The following PARPBP variants were observed in gnomAD, a reference collection of about 807,000 sequenced individuals.
The protein encoded by PARPBP is PCNA-interacting partner.
PARPBP carries 52 observed loss-of-function variants against 50.0 expected under a neutral mutation model. That is an observed-to-expected ratio of 1.04 (90% CI 0.83 to 1.31). The LOEUF is 1.31. PARPBP is among the 50% of genes most tolerant of loss of function. The pLI, the probability that PARPBP is intolerant of heterozygous loss-of-function variation, is 0.00. For missense variants in PARPBP, 697 were observed against 672.0 expected, an observed-to-expected ratio of 1.04 and a Z score of -0.41; for synonymous variants, 244 against 232.1, an observed-to-expected ratio of 1.05 and a Z score of -0.47.
In PARPBP at chr12:102,139,055, T is replaced by G. The variant is rs565627077; in HGVS notation, c.154-9175T>G. ...CATTGGTAGCTTCATGGGGATGGCA[T>G]TAAATCTATAAATTACCTTGGACAG... On this transcript the variant is annotated intron_variant, in intron 2 of 10. Coordinates refer to ENST00000327680, the MANE Select transcript of PARPBP (RefSeq NM_017915.5). Among the ~76,000 whole-genome samples, 202 of 152,356 alleles carry G rather than the reference T, an allele frequency of 1.3e-3. 1 individual carries two copies. The highest frequency in any genetic ancestry group is 3.4e-3 in the Middle Eastern group (1 of 294).
At chr12:102,163,223 ATAC>A (rs1444833390) in intron 4 of PARPBP, among the ~76,000 whole-genome samples, 1 of 152,204 alleles carries the variant, frequency 6.6e-6, no homozygotes, top group Non-Finnish European at 1.5e-5. Flanking sequence ...TCTTTTGTAA[ATAC>A]TACTCTATCT....
Position 102,165,821 on chromosome 12 carries a change from G to A in PARPBP, c.759G>A (p.Leu253=). 2 of 1,587,558 alleles carry A rather than the reference G, an allele frequency of 1.3e-6. No individual in the cohort carries two copies. Among genetic ancestry groups the A allele is most frequent in the South Asian group, 1.1e-5 (1 of 90,072 alleles). Residue 253 remains leucine, a synonymous_variant, in exon 6 of 11, where the codon TTG becomes TTA. Transcript: ENST00000327680. ...SDPLRTHVKG[L]SNFINFIDKL... ...CTTTAAGGACACATGTAAAGGGATTGTCTAATTTTATTAATTTCATTGACA... is the reference window on the plus strand; with the variant it reads ...CTTTAAGGACACATGTAAAGGGATTATCTAATTTTATTAATTTCATTGACA...
chr12:102,195,255 T>G, intron 9 of PARPBP, 57 bp from the exon 10 acceptor site: 4 of 1,136,840 alleles, frequency 3.5e-6, no homozygotes, highest in Non-Finnish European at 5.1e-6. Flanking sequence ...TCTATCTAGA[T>G]GAAGAAATAA....
At chr12:102,182,770 C>A in intron 9 of PARPBP, 143 bp downstream of exon 9, 1 of 660,942 alleles carries the variant, frequency 1.5e-6, no homozygotes, top group Non-Finnish European at 2.7e-6. Flanking sequence ...TGAGTTATGA[C>A]AGTTGACGTA....
At chr12:102,168,466 C>T (rs1388283031) in intron 6 of PARPBP, among the ~76,000 whole-genome samples, 1 of 152,080 alleles carries the variant, frequency 6.6e-6, no homozygotes, top group Non-Finnish European at 1.5e-5. Flanking sequence ...GAATAGTCCA[C>T]TTGAGCAATT....
intron 5 of PARPBP, 158 bp downstream of exon 5, chr12:102,164,766 G>C (rs937954): frequency 0.25 from 162,420 of 657,954 alleles, 21,464 homozygotes; most frequent in East Asian, 0.46. Flanking sequence ...TTACCATATC[G>C]TTCAAGTTTG....
intron 9 of PARPBP, among the ~76,000 whole-genome samples, chr12:102,182,996 C>A (rs1889980336): frequency 6.6e-6 from 1 of 152,100 alleles, no homozygotes; most frequent in African/African-American, 2.4e-5. Context: ...TAAATTTGCT[C>A]CTGTCTGAAG....
intron 5 of PARPBP, 59 bp downstream of exon 5, chr12:102,164,667 T>C: frequency 7.2e-7 from 1 of 1,387,070 alleles, no homozygotes; most frequent in Non-Finnish European, 1.0e-6. Context: ...CCATGTATCC[T>C]AATATGCTTG....
At chr12:102,156,653 T>G (rs193081049) in intron 4 of PARPBP, among the ~76,000 whole-genome samples, 1 of 152,324 alleles carries the variant, frequency 6.6e-6, no homozygotes, top group Admixed American at 6.5e-5. Context: ...GCTTATTATT[T>G]TTTTGAGGCA....
chr12:102,174,716 G>A (rs1041095970), intron 6 of PARPBP, among the ~76,000 whole-genome samples: 4 of 152,068 alleles, frequency 2.6e-5, no homozygotes, highest in African/African-American at 4.8e-5. Flanking sequence ...TCCTTAAAAC[G>A]GACCAAAATC....
chr12:102,135,581 G>C (rs970019829), intron 2 of PARPBP, among the ~76,000 whole-genome samples: 1 of 151,366 alleles, frequency 6.6e-6, no homozygotes, highest in African/African-American at 2.4e-5. Context: ...AAAGGAACTT[G>C]GGTGTTTAAT....
chr12:102,191,547 C>T (rs905737835), intron 9 of PARPBP, among the ~76,000 whole-genome samples: 3 of 152,004 alleles, frequency 2.0e-5, no homozygotes, highest in African/African-American at 4.8e-5. Flanking sequence ...CTTTCATTTT[C>T]GTGTTAATAC....
rs1891384836 is a variant in PARPBP at position 102,197,155 on chromosome 12, T to C, written c.*864T>C. ...TGGCAGACCATGATTTAAGAAATTATGTTTGGAGCCTGTGTTCTGTAAAGA... is the reference window on the plus strand; with the variant it reads ...TGGCAGACCATGATTTAAGAAATTACGTTTGGAGCCTGTGTTCTGTAAAGA... On this transcript the variant is annotated 3_prime_UTR_variant, in exon 11 of 11. Coordinates refer to ENST00000327680, the MANE Select transcript of PARPBP (RefSeq NM_017915.5). 6 of 1,611,642 alleles carry C rather than the reference T, an allele frequency of 3.7e-6. 1 individual carries two copies. Among genetic ancestry groups the C allele is most frequent in the South Asian group, 2.2e-5 (2 of 91,014 alleles).
rs918577065 is a variant in PARPBP, at chr12:102,151,352, C to T, written c.388-2517C>T. Among the ~76,000 whole-genome samples the T allele has an allele frequency of 6.6e-5, 10 of 152,132 alleles. No homozygotes were observed. The South Asian group carries it at 1.0e-3, about 16-fold the overall frequency. On this transcript the variant is annotated intron_variant, in intron 3 of 10. Transcript: ENST00000327680. ...TGGCAGAGGGTGCTGCAACTACCCA[C>T]GGAAGAATGCAGCTGAAGGCATAGG...
intron 2 of PARPBP, among the ~76,000 whole-genome samples, chr12:102,131,284 C>T (rs1427223184): frequency 6.6e-6 from 1 of 152,162 alleles, no homozygotes; most frequent in Non-Finnish European, 1.5e-5. Context: ...GAGATTACAC[C>T]ACTGCACTCC....
At chr12:102,130,278 G>T (rs75111375) in intron 2 of PARPBP, among the ~76,000 whole-genome samples, 61,961 of 151,958 alleles carry the variant, frequency 0.41, 13,351 homozygotes, top group African/African-American at 0.56. Context: ...CCCAAAACTG[G>T]AAAAACCCTG....
At chr12:102,159,784 T>TA (rs1339362071) in intron 4 of PARPBP, among the ~76,000 whole-genome samples, 1 of 152,076 alleles carries the variant, frequency 6.6e-6, no homozygotes, top group African/African-American at 2.4e-5. Flanking sequence ...AAACAAAAGT[T>TA]AAAAAAAGAC....
chr12:102,165,677 TAC>T, intron 5 of PARPBP, 50 bp from the exon 6 acceptor site: 1 of 1,388,612 alleles, frequency 7.2e-7, no homozygotes, highest in Non-Finnish European at 1.0e-6. Flanking sequence ...TGAAGTAAAT[TAC>T]AGTTTAATAA....
chr12:102,175,122 A>T (rs555180819), intron 6 of PARPBP, among the ~76,000 whole-genome samples: 1 of 152,308 alleles, frequency 6.6e-6, no homozygotes, highest in Admixed American at 6.5e-5. Flanking sequence ...AAGAGTCTAG[A>T]TATTCAATGA....
Sources: allele counts gnomAD v4.1 joint callset (sites outside exome capture counted in the v4.1 genomes callset), GRCh38; gene constraint gnomAD v4.1.1; transcripts MANE v1.5; gene names NCBI Gene and HGNC (gene_info 2026-07-23, HGNC 2026-07-21).